The following FMN2 variants were observed in gnomAD, a reference collection of about 807,000 sequenced individuals.
FMN2 encodes formin-2.
In FMN2, 51 loss-of-function variants were observed where a neutral mutation model predicts 142.3. That is an observed-to-expected ratio of 0.36 (90% CI 0.29 to 0.45). The LOEUF (loss-of-function observed/expected upper bound fraction) is 0.45, where lower values mean the gene tolerates loss of function less well. Ranked by LOEUF, FMN2 falls within the 20% of genes least tolerant of loss-of-function variation. The pLI is 1.00. For missense variants in FMN2, 1,936 were observed against 2,122.8 expected (o/e 0.91, Z 1.73); for synonymous variants, 882 against 869.8 (o/e 1.01, Z -0.25).
At chr1:240,174,676 G>A (rs1664844436) in intron 2 of FMN2, among the ~76,000 whole-genome samples, 1 of 152,038 alleles carries the variant, frequency 6.6e-6, no homozygotes, top group East Asian at 1.9e-4. Context: ...CAGTTCAGTT[G>A]TTTTCTTAAG....
In FMN2 at chr1:240,206,806, T is replaced by C; in HGVS notation, c.1994T>C (p.Val665Ala). 6.2e-7 allele frequency: 1 copy of C among 1,604,608 alleles called. No homozygotes were observed. The highest frequency in any genetic ancestry group is 8.5e-7 in the Non-Finnish European group (1 of 1,172,236). ...GTCCTTGTCGCCCTTCAGGAAGTTG[T>C]TGACATGAAGTCTGAGGGACAGGCC... Reference protein sequence around the residue: ...KRSDAVQKEVVDMKSEGQATV... With the variant: ...KRSDAVQKEVADMKSEGQATV... The change falls in exon 5 of 18, where the codon GTT becomes GCT. Residue 665 changes from valine to alanine, a missense_variant. Val to Ala is a moderately conservative substitution (Grantham distance 64, BLOSUM62 0). Coordinates refer to ENST00000319653, the MANE Select transcript of FMN2 (RefSeq NM_020066.5).
At chr1:240,190,558 G>A (rs1288028117) in intron 4 of FMN2, among the ~76,000 whole-genome samples, 1 of 152,090 alleles carries the variant, frequency 6.6e-6, no homozygotes, top group Non-Finnish European at 1.5e-5. Flanking sequence ...CTATTATAAT[G>A]CGCATTTAAC....
chr1:240,165,334 C>T (rs1283101992), intron 2 of FMN2, among the ~76,000 whole-genome samples: 3 of 151,442 alleles, frequency 2.0e-5, no homozygotes, highest in Admixed American at 6.6e-5. Flanking sequence ...GACACCACAC[C>T]TGGCTAGATT....
chr1:240,429,649 T>G (rs1333127867), intron 15 of FMN2, among the ~76,000 whole-genome samples: 1 of 152,236 alleles, frequency 6.6e-6, no homozygotes, highest in East Asian at 1.9e-4. Flanking sequence ...ATGCATGGAC[T>G]TTTATAAGTG....
At position 240,188,270 on chromosome 1, in the gene FMN2, G is replaced by T; in HGVS notation, c.1986+8G>T. On this transcript the variant is annotated splice_region_variant and intron_variant, in intron 4 of 17. Coordinates refer to ENST00000319653, the MANE Select transcript of FMN2 (RefSeq NM_020066.5). The stretch of plus-strand genomic sequence containing the variant: ...TCAGATGCTGTCCAGAAGGTAAGAT[G>T]ATCTTATTAGGATGTCAGATTCCCA... 6.2e-7 allele frequency: 1 copy of T among 1,612,316 alleles called. No homozygotes were observed. Among genetic ancestry groups the T allele is most frequent in the Non-Finnish European group, 8.5e-7 (1 of 1,178,734 alleles).
At chr1:240,164,252 C>T (rs1664392098) in intron 2 of FMN2, among the ~76,000 whole-genome samples, 1 of 152,076 alleles carries the variant, frequency 6.6e-6, no homozygotes, top group Non-Finnish European at 1.5e-5. Flanking sequence ...GGTACTTTCA[C>T]CTATTTCCTG....
At chr1:240,469,991 T>C (rs1572347179) in intron 16 of FMN2, among the ~76,000 whole-genome samples, 1 of 152,188 alleles carries the variant, frequency 6.6e-6, no homozygotes, top group African/African-American at 2.4e-5. Context: ...TGACTGGATG[T>C]TTTTGTGTAA....
intron 2 of FMN2, among the ~76,000 whole-genome samples, chr1:240,123,680 T>A (rs1031349824): frequency 6.6e-6 from 1 of 152,176 alleles, no homozygotes; most frequent in Non-Finnish European, 1.5e-5. Flanking sequence ...CAACATAAAA[T>A]TTACCTCTGT....
At chr1:240,274,907 G>A (rs1188748710) in intron 7 of FMN2, among the ~76,000 whole-genome samples, 2 of 152,076 alleles carry the variant, frequency 1.3e-5, no homozygotes, top group African/African-American at 2.4e-5. Flanking sequence ...AGGTTTGGGA[G>A]CGGAAGATCA....
At chr1:240,206,695 T>A in intron 4 of FMN2, 104 bp from the exon 5 acceptor site, 1 of 1,337,628 alleles carries the variant, frequency 7.5e-7, no homozygotes, top group Admixed American at 2.7e-5. Context: ...CAAGGAGTCC[T>A]TCTGGAAGTA....
At position 240,181,347 on chromosome 1, in the gene FMN2, G is replaced by T. The variant is rs1226739408; in HGVS notation, c.1930+3279G>T. 3.3e-5 allele frequency among the ~76,000 whole-genome samples: 5 copies of T among 152,266 alleles called. No individual in the cohort carries two copies. In the South Asian group the frequency reaches 8.3e-4, roughly 25 times the overall value. ...ATTGGTTACCCAATTCACATGTCCA[G>T]CTAGTTCAGATTTGTGGTACTCTGT... On this transcript the variant is annotated intron_variant, in intron 3 of 17. Transcript: ENST00000319653.
chr1:240,279,477 A>G (rs1321352314), intron 7 of FMN2, among the ~76,000 whole-genome samples: 1 of 152,116 alleles, frequency 6.6e-6, no homozygotes, highest in Non-Finnish European at 1.5e-5. Flanking sequence ...TACTTACTGA[A>G]CTCTGGAGAG....
chr1:240,388,353 T>C (rs1480501608), intron 14 of FMN2, among the ~76,000 whole-genome samples: 1 of 151,558 alleles, frequency 6.6e-6, no homozygotes, highest in Non-Finnish European at 1.5e-5. Flanking sequence ...TATTAAAATC[T>C]ACTGCAATTC....
chr1:240,399,225 A>G (rs1373615066), intron 15 of FMN2, among the ~76,000 whole-genome samples: 1 of 152,194 alleles, frequency 6.6e-6, no homozygotes, highest in Non-Finnish European at 1.5e-5. Flanking sequence ...ATGTATGTCG[A>G]GTATCAACTT....
chr1:240,273,618 A>C (rs1669094135), intron 7 of FMN2, among the ~76,000 whole-genome samples: 1 of 152,154 alleles, frequency 6.6e-6, no homozygotes, highest in Non-Finnish European at 1.5e-5. Context: ...GCTAGAGTAC[A>C]CATTCATGTT....
At chr1:240,388,714 T>A (rs1386397786) in intron 14 of FMN2, among the ~76,000 whole-genome samples, 1 of 151,832 alleles carries the variant, frequency 6.6e-6, no homozygotes, top group African/African-American at 2.4e-5. Flanking sequence ...CTACAAAAAT[T>A]AGCTGGGTGT....
At chr1:240,361,136 T>A (rs1363967643) in intron 14 of FMN2, among the ~76,000 whole-genome samples, 1,163 of 19,332 alleles carry the variant, frequency 0.06, 13 homozygotes, top group African/African-American at 0.39. Flanking sequence ...TAAATAAATA[T>A]ATGTGTATAT....
rs1360625036 is a variant in FMN2, at chr1:240,092,478, C to G, written c.369C>G (p.Leu123=). The G allele has an allele frequency of 1.2e-6, 2 of 1,608,354 alleles. No homozygotes were observed. The highest frequency in any genetic ancestry group is 1.3e-5 in the African/African-American group (1 of 74,812). Residue 123 remains leucine (L), a synonymous_variant, in exon 1 of 18, where the codon CTC becomes CTG. Transcript: ENST00000319653. The part of the protein sequence containing the change: ...SLLTKTPDLS[L]SADEAGLSDT... ...TCACCAAGACTCCAGACCTCAGCCT[C>G]TCGGCGGACGAGGCCGGCCTGTCGG... is the stretch of plus-strand genomic sequence containing the variant.
At chr1:240,472,188 A>G in intron 16 of FMN2, 184 bp from the exon 17 acceptor site, 1 of 538,276 alleles carries the variant, frequency 1.9e-6, no homozygotes, top group African/African-American at 2.0e-5. Flanking sequence ...TAGATAAATT[A>G]GCGTCTGTAG....
Sources: allele counts gnomAD v4.1 joint callset (sites outside exome capture counted in the v4.1 genomes callset), GRCh38; gene constraint gnomAD v4.1.1; transcripts MANE v1.5; gene names NCBI Gene and HGNC (gene_info 2026-07-23, HGNC 2026-07-21).